The following SPTBN1 variants were observed in gnomAD, a reference collection of about 807,000 sequenced individuals.
SPTBN1 encodes spectrin beta, non-erythrocytic 1, also known as spectrin beta chain, non-erythrocytic 1.
SPTBN1 carries 32 observed loss-of-function variants against 266.4 expected under a neutral mutation model. That is an observed-to-expected ratio of 0.12 (90% CI 0.09 to 0.16). The LOEUF is 0.16. Among genes scored for constraint, SPTBN1 ranks in the 10% least tolerant of loss-of-function variants. The pLI, the probability that SPTBN1 is intolerant of heterozygous loss-of-function variation, is 1.00. For synonymous variants in SPTBN1, 1,336 were observed against 1,162.2 expected (o/e 1.15, Z -3.04); for missense variants, 2,296 against 3,067.1 (o/e 0.75, Z 5.94).
intron 2 of SPTBN1, among the ~76,000 whole-genome samples, chr2:54,598,608 C>G (rs1378082185): frequency 6.6e-6 from 1 of 152,172 alleles, no homozygotes; most frequent in Non-Finnish European, 1.5e-5. Context: ...AGATTTCCTA[C>G]CCTACACCCT....
rs189924190 is a variant in SPTBN1, at chr2:54,578,409, T to A, written c.149-20683T>A. Among the ~76,000 whole-genome samples, 51 of 152,322 alleles carry A rather than the reference T, an allele frequency of 3.3e-4. 2 individuals carry two copies. The East Asian group carries it at 6.8e-3, about 20-fold the overall frequency. ...TGGGCTAAGTGTTAGCCTTTTGTTC[T>A]GTGATGTCCCTGTGTGAATAAAATG... On this transcript the variant is annotated intron_variant, in intron 2 of 35. Coordinates refer to ENST00000356805, the MANE Select transcript of SPTBN1 (RefSeq NM_003128.3).
intron 2 of SPTBN1, among the ~76,000 whole-genome samples, chr2:54,571,363 A>T (rs533418995): frequency 4.6e-5 from 7 of 152,176 alleles, no homozygotes; most frequent in Non-Finnish European, 1.0e-4. Context: ...GGTGATTGTA[A>T]AGCCTAATTA....
Position 54,664,392 on chromosome 2 carries a change from G to A in SPTBN1, c.6421-61G>A, listed in dbSNP as rs1681238785. On this transcript the variant is annotated intron_variant, in intron 32 of 35. Transcript: ENST00000356805. This position sits in a 1 kb window ranked among gnomAD's most constrained non-coding sequence, Gnocchi z 5.6. ...CAGCCACATGTGCGAGTCAGGTAGA[G>A]CGTATGTGGTCACCCCCATGGCTCA... 2.6e-6 allele frequency: 4 copies of A among 1,526,108 alleles called. No homozygotes were observed. The highest frequency in any genetic ancestry group is 1.8e-6 in the Non-Finnish European group (2 of 1,113,182). 94.5% of individuals were successfully genotyped at this position (1,526,108 alleles called of 1,614,324 possible).
At position 54,631,739 on chromosome 2, in the gene SPTBN1, AT is replaced by A. The variant is rs1365569140; in HGVS notation, c.3564+137del. 2.0e-4 allele frequency: 249 copies of A among 1,221,568 alleles called. 2 individuals are homozygous for A. The South Asian group carries it at 2.4e-3, about 12-fold the overall frequency. 75.7% of individuals were successfully genotyped at this position (1,221,568 alleles called of 1,614,324 possible). A position where few individuals can be genotyped will look rare whatever the true frequency, so the allele number is the denominator to read the frequency against. On this transcript the variant is annotated intron_variant, in intron 16 of 35. Coordinates refer to ENST00000356805, the MANE Select transcript of SPTBN1 (RefSeq NM_003128.3). ...AATTATATGGATAATTTAGAGACTG[AT>A]TTTTTTTTCCCCATACTCTTAAGGC...
At chr2:54,502,737 A>C (rs1669338472) in intron 1 of SPTBN1, among the ~76,000 whole-genome samples, 1 of 152,192 alleles carries the variant, frequency 6.6e-6, no homozygotes, top group Non-Finnish European at 1.5e-5. Flanking sequence ...AGTGAAAGCA[A>C]GGTGAAGGGC....
intron 1 of SPTBN1, among the ~76,000 whole-genome samples, chr2:54,496,463 T>A (rs1668976998): frequency 6.7e-6 from 1 of 148,920 alleles, no homozygotes; most frequent in Non-Finnish European, 1.5e-5. Context: ...AAAAAAAGTA[T>A]GAATAACAGT....
At chr2:54,518,339 G>C (rs1346613143) in intron 1 of SPTBN1, among the ~76,000 whole-genome samples, 1 of 151,340 alleles carries the variant, frequency 6.6e-6, no homozygotes, top group Non-Finnish European at 1.5e-5. Context: ...AGCATTAGGA[G>C]AAATGCCTAA....
rs533694662 is a variant in SPTBN1 at position 54,563,284 on chromosome 2, T to C, written c.149-35808T>C. Among the ~76,000 whole-genome samples the C allele has an allele frequency of 3.7e-4, 57 of 152,294 alleles. 1 individual carries two copies. In the South Asian group the frequency reaches 0.011, roughly 29 times the overall value. The stretch of plus-strand genomic sequence containing the variant: ...AGTTGTAATGTAGACAGGATCTAGT[T>C]AAAAAGCATCAAAATGAAGTTTTTC... On this transcript the variant is annotated intron_variant, in intron 2 of 35. Coordinates refer to ENST00000356805, the MANE Select transcript of SPTBN1 (RefSeq NM_003128.3).
At chr2:54,648,893 G>GCT in intron 24 of SPTBN1, 93 bp from the exon 25 acceptor site, 2 of 1,156,508 alleles carry the variant, frequency 1.7e-6, no homozygotes, top group Non-Finnish European at 1.2e-6. Context: ...GATGTAATAT[G>GCT]CTCTCCCATT....
intron 2 of SPTBN1, among the ~76,000 whole-genome samples, chr2:54,550,147 G>T (rs1455871762): frequency 1.3e-5 from 2 of 152,212 alleles, no homozygotes; most frequent in Non-Finnish European, 2.9e-5. Flanking sequence ...TATGGTGTCT[G>T]TAAAGAAGGT....
At chr2:54,635,564 G>C (rs955501753) in intron 17 of SPTBN1, among the ~76,000 whole-genome samples, 1 of 152,262 alleles carries the variant, frequency 6.6e-6, no homozygotes, top group Non-Finnish European at 1.5e-5. Flanking sequence ...TCAGGATTCT[G>C]TATGGTCATA....
chr2:54,557,829 AC>A, intron 2 of SPTBN1: 1 of 985,124 alleles, frequency 1.0e-6, no homozygotes, highest in Non-Finnish European at 1.2e-6. Context: ...GCCCGAACTT[AC>A]ACCTCCCCTG....
At chr2:54,548,583 C>T (rs1672384877) in intron 2 of SPTBN1, among the ~76,000 whole-genome samples, 1 of 152,204 alleles carries the variant, frequency 6.6e-6, no homozygotes, top group African/African-American at 2.4e-5. Flanking sequence ...CACGCTACTT[C>T]CTTTGTGCTT....
At chr2:54,489,020 C>T (rs567893049) in intron 1 of SPTBN1, among the ~76,000 whole-genome samples, 1 of 151,726 alleles carries the variant, frequency 6.6e-6, no homozygotes, top group South Asian at 2.1e-4. Flanking sequence ...AAAATGGGAC[C>T]AAATAAAATG....
Position 54,626,284 on chromosome 2 carries a change from C to T in SPTBN1, c.1644+50C>T, listed in dbSNP as rs1164824735. The T allele has an allele frequency of 7.0e-6, 11 of 1,560,398 alleles. No homozygotes were observed. Among genetic ancestry groups the T allele is most frequent in the Non-Finnish European group, 9.6e-6 (11 of 1,151,292 alleles). ...CGACAGAGCTGATCCAACCAGGGCT[C>T]TCTTTTCTGTGACTCATTCACTAAA... On this transcript the variant is annotated intron_variant, in intron 12 of 35. Coordinates refer to ENST00000356805, the MANE Select transcript of SPTBN1 (RefSeq NM_003128.3). This position sits in a 1 kb window ranked among gnomAD's most constrained non-coding sequence, Gnocchi z 4.7.
chr2:54,503,899 C>T (rs1388412880), intron 1 of SPTBN1, among the ~76,000 whole-genome samples: 1 of 152,112 alleles, frequency 6.6e-6, no homozygotes, highest in Non-Finnish European at 1.5e-5. Context: ...AAGGATATTT[C>T]CAGGAACTGC....
At chr2:54,518,572 G>A (rs1670251294) in intron 1 of SPTBN1, among the ~76,000 whole-genome samples, 1 of 152,052 alleles carries the variant, frequency 6.6e-6, no homozygotes, top group Non-Finnish European at 1.5e-5. Flanking sequence ...TGCCTTCAGA[G>A]TCCTTAGAAG....
chr2:54,505,814 A>G (rs1251925295), intron 1 of SPTBN1, among the ~76,000 whole-genome samples: 1 of 151,806 alleles, frequency 6.6e-6, no homozygotes, highest in African/African-American at 2.4e-5. Context: ...CTCTCTTCCA[A>G]CCTTGGGAAC....
intron 12 of SPTBN1, among the ~76,000 whole-genome samples, chr2:54,627,443 T>TA (rs1314168913): frequency 1.3e-5 from 2 of 152,210 alleles, no homozygotes; most frequent in Admixed American, 6.5e-5. Flanking sequence ...GGTTCAAACT[T>TA]AAACTCTAGA....
Sources: allele counts gnomAD v4.1 joint callset (sites outside exome capture counted in the v4.1 genomes callset), GRCh38; gene constraint gnomAD v4.1.1; non-coding constraint Gnocchi (gnomAD v3.1); transcripts MANE v1.5; gene names NCBI Gene and HGNC (gene_info 2026-07-23, HGNC 2026-07-21).